The following GIPC2 variants were observed in gnomAD, a reference collection of about 807,000 sequenced individuals.
The protein encoded by GIPC2 is GIPC PDZ domain containing family member 2, also known as PDZ domain-containing protein GIPC2.
In GIPC2, 30 loss-of-function variants were observed where a neutral mutation model predicts 30.6. The ratio of observed to expected loss-of-function variants is 0.98; its 90% CI spans 0.73 to 1.33. The LOEUF is 1.33. Ranked by LOEUF, GIPC2 falls within the 40% of genes most tolerant of loss-of-function variation. The pLI is 0.00. For missense variants in GIPC2, 414 were observed against 390.3 expected, an observed-to-expected ratio of 1.06 and a Z score of -0.51; for synonymous variants, 167 against 150.0, an observed-to-expected ratio of 1.11 and a Z score of -0.83.
At position 78,135,509 on chromosome 1, in the gene GIPC2, C is replaced by T. The variant is rs1201060616; in HGVS notation, c.797-83C>T. 18 of 751,930 alleles carry T rather than the reference C, an allele frequency of 2.4e-5. No individual in the cohort carries two copies. In the South Asian group the frequency reaches 3.2e-4, roughly 13 times the overall value. The allele number at this position is 751,930 out of a possible 1,614,324, so 46.6% of individuals were successfully genotyped here. On this transcript the variant is annotated intron_variant, in intron 5 of 5. Transcript: ENST00000370759. ...ATATATTTATGCATGTTACTTTTAG[C>T]AAGTAATTTTCCTGTTGCCATTTTT... is the stretch of plus-strand genomic sequence containing the variant.
chr1:78,078,296 G>A (rs1661757205), intron 1 of GIPC2, among the ~76,000 whole-genome samples: 1 of 151,140 alleles, frequency 6.6e-6, no homozygotes, highest in Non-Finnish European at 1.5e-5. Flanking sequence ...CATATACTTA[G>A]AGGTATATTT....
rs1662633637 is a variant in GIPC2 at position 78,119,303 on chromosome 1, G to C, written c.608-90G>C. 9.9e-6 allele frequency: 7 copies of C among 710,094 alleles called. No individual in the cohort carries two copies. In the East Asian group the frequency reaches 1.6e-4, roughly 16 times the overall value. 44.0% of individuals were successfully genotyped at this position (710,094 alleles called of 1,614,324 possible). A position where few individuals can be genotyped will look rare whatever the true frequency, so the allele number is the denominator to read the frequency against. ...CAAATTTCTATAACAATTGTATATAGTTTTGTGATAGAAACTACATTAGCC... is the reference window on the plus strand; with the variant it reads ...CAAATTTCTATAACAATTGTATATACTTTTGTGATAGAAACTACATTAGCC... On this transcript the variant is annotated intron_variant, in intron 3 of 5. Transcript: ENST00000370759.
At chr1:78,132,985 A>G (rs1662928539) in intron 5 of GIPC2, among the ~76,000 whole-genome samples, 1 of 152,158 alleles carries the variant, frequency 6.6e-6, no homozygotes, top group Non-Finnish European at 1.5e-5. Context: ...TCTGAACTGG[A>G]GTTCTACTTC....
chr1:78,129,824 T>G (rs550486271), intron 5 of GIPC2, among the ~76,000 whole-genome samples: 2 of 152,230 alleles, frequency 1.3e-5, no homozygotes, highest in Non-Finnish European at 2.9e-5. Flanking sequence ...TGTATAGAAC[T>G]ATAATGTTTT....
At chr1:78,049,550 A>C (rs961505090) in intron 1 of GIPC2, among the ~76,000 whole-genome samples, 3 of 152,174 alleles carry the variant, frequency 2.0e-5, no homozygotes, top group Non-Finnish European at 4.4e-5. Context: ...CCTTTTTTCT[A>C]GAGTGGTGGC....
chr1:78,097,547 C>T (rs557010830), intron 3 of GIPC2, among the ~76,000 whole-genome samples: 1 of 152,322 alleles, frequency 6.6e-6, no homozygotes, highest in Admixed American at 6.5e-5. Flanking sequence ...GTAACTAGGA[C>T]TGCAAGCACC....
intron 1 of GIPC2, among the ~76,000 whole-genome samples, chr1:78,066,186 C>T (rs1661508107): frequency 6.6e-6 from 1 of 151,496 alleles, no homozygotes; most frequent in Non-Finnish European, 1.5e-5. Context: ...AGGAAAGTTA[C>T]AAGAAAAAAA....
chr1:78,109,173 G>A (rs183211742), intron 3 of GIPC2, among the ~76,000 whole-genome samples: 3 of 152,332 alleles, frequency 2.0e-5, no homozygotes, highest in Admixed American at 1.3e-4. Flanking sequence ...AAAGGAGAGA[G>A]ACTTTGGCTC....
chr1:78,085,815 CTTTA>C (rs1661917373), intron 2 of GIPC2, among the ~76,000 whole-genome samples: 1 of 149,528 alleles, frequency 6.7e-6, no homozygotes. Flanking sequence ...CTCTTTTCTT[CTTTA>C]TTAGTCTAGC....
chr1:78,106,949 T>A (rs1410957882), intron 3 of GIPC2, among the ~76,000 whole-genome samples: 1 of 152,164 alleles, frequency 6.6e-6, no homozygotes, highest in Admixed American at 6.5e-5. Context: ...GTGCTGGGAT[T>A]ACAGGCATGA....
intron 1 of GIPC2, among the ~76,000 whole-genome samples, chr1:78,078,257 T>G (rs1214130337): frequency 6.6e-6 from 1 of 152,022 alleles, no homozygotes; most frequent in Non-Finnish European, 1.5e-5. Context: ...ATAAAATCTT[T>G]GAGGATGCTT....
chr1:78,098,389 A>ACAATTTTGACTATAATTAC (rs1557541939), intron 3 of GIPC2, among the ~76,000 whole-genome samples: 1 of 152,148 alleles, frequency 6.6e-6, no homozygotes, highest in Admixed American at 6.5e-5. Context: ...ACTATACTTA[A>ACAATTTTGACTATAATTAC]CAATTTTGAC....
At chr1:78,099,642 G>C (rs187833757) in intron 3 of GIPC2, among the ~76,000 whole-genome samples, 1 of 152,050 alleles carries the variant, frequency 6.6e-6, no homozygotes, top group African/African-American at 2.4e-5. Flanking sequence ...GTTTCATTGT[G>C]TTAGCCAGGA....
chr1:78,045,101 TAAA>T, upstream of GIPC2: 2 of 977,046 alleles, frequency 2.0e-6, no homozygotes, highest in Non-Finnish European at 2.4e-6. Context: ...CCAAGTAAGA[TAAA>T]AACCTAAAAG....
intron 1 of GIPC2, among the ~76,000 whole-genome samples, chr1:78,067,651 C>T (rs1661544806): frequency 6.6e-6 from 1 of 152,136 alleles, no homozygotes; most frequent in South Asian, 2.1e-4. Context: ...CAGGGTTTCA[C>T]CATGTTGGCC....
At position 78,095,092 on chromosome 1, in the gene GIPC2, A is replaced by G; in HGVS notation, c.567A>G (p.Glu189=). The G allele has an allele frequency of 1.9e-6, 3 of 1,612,530 alleles. No individual in the cohort carries two copies. The highest frequency in any genetic ancestry group is 2.5e-6 in the Non-Finnish European group (3 of 1,178,882). Reference sequence around the variant, plus strand: ...AGTTAAAGGAATTAAAAAAGGAGGAACTCTTTACTATGAAGTTAATAGAAC... The same window carrying G: ...AGTTAAAGGAATTAAAAAAGGAGGAGCTCTTTACTATGAAGTTAATAGAAC... The part of the protein sequence containing the change: ...AKKLKELKKE[E]LFTMKLIEPK... The change falls in exon 3 of 6, where the codon GAA becomes GAG. Residue 189 remains glutamate (E), a synonymous_variant. Transcript: ENST00000370759.
Position 78,045,970 on chromosome 1 carries a change from G to A in GIPC2, c.-125G>A, listed in dbSNP as rs1005590131. The A allele has an allele frequency of 7.3e-7, 1 of 1,376,604 alleles. No individual in the cohort carries two copies. Among genetic ancestry groups the A allele is most frequent in the South Asian group, 1.7e-5 (1 of 57,350 alleles). The allele number at this position is 1,376,604 out of a possible 1,614,324, so 85.3% of individuals were successfully genotyped here. On this transcript the variant is annotated 5_prime_UTR_variant, in exon 1 of 6. Transcript: ENST00000370759. The stretch of plus-strand genomic sequence containing the variant: ...GGGCCCTGACCCGACGCAGCCAGGC[G>A]GAAGCGCGGCTGCCATTGGAGGCTG...
chr1:78,046,390 C>G (rs1334530593), intron 1 of GIPC2, 56 bp downstream of exon 1: 6 of 1,484,482 alleles, frequency 4.0e-6, no homozygotes, highest in South Asian at 1.2e-5. Context: ...CGCCGCGCCG[C>G]GCGTATTTCT....
chr1:78,119,090 C>A (rs1266784894), intron 3 of GIPC2, among the ~76,000 whole-genome samples: 1 of 151,950 alleles, frequency 6.6e-6, no homozygotes, highest in Non-Finnish European at 1.5e-5. Flanking sequence ...CCACTTACTC[C>A]TCTTTACTCT....
Sources: allele counts gnomAD v4.1 joint callset (sites outside exome capture counted in the v4.1 genomes callset), GRCh38; gene constraint gnomAD v4.1.1; transcripts MANE v1.5; gene names NCBI Gene and HGNC (gene_info 2026-07-23, HGNC 2026-07-21).